Variants in RIMKLB observed in about 807,000 individuals in gnomAD.
RIMKLB encodes the protein beta-citrylglutamate synthase B.
Under a neutral mutation model 32.0 loss-of-function variants are expected in RIMKLB, and 7 were observed. That is an observed-to-expected ratio of 0.22 (90% CI 0.12 to 0.41). The LOEUF is 0.41. RIMKLB is among the 10% of genes least tolerant of loss of function. The pLI is 1.00. For synonymous variants in RIMKLB, 172 were observed against 185.1 expected, an observed-to-expected ratio of 0.93 and a Z score of 0.57; for missense variants, 289 against 498.7, an observed-to-expected ratio of 0.58 and a Z score of 4.00.
intron 5 of RIMKLB, among the ~76,000 whole-genome samples, chr12:8,767,213 CTT>C (rs1304862605): frequency 6.6e-6 from 1 of 152,244 alleles, no homozygotes; most frequent in African/African-American, 2.4e-5. Flanking sequence ...CTACTTCTAT[CTT>C]TCTCTTTCTC....
rs1480330016 is a variant in RIMKLB, at chr12:8,776,398, ACAG to A, written c.*2621_*2623del. ...TTCTGGAAGTACCTTAAGGAAACAA[ACAG>A]CAGCAGATATTTAGGTTAAACTTAT... On this transcript the variant is annotated 3_prime_UTR_variant, in exon 6 of 6. Transcript: ENST00000535829. 7.2e-6 allele frequency: 7 copies of A among 977,316 alleles called. No homozygotes were observed. The African/African-American group carries it at 8.8e-5, about 12-fold the overall frequency. 60.5% of individuals were successfully genotyped at this position (977,316 alleles called of 1,614,324 possible).
At chr12:8,747,855 A>C (rs1229787755) in intron 2 of RIMKLB, among the ~76,000 whole-genome samples, 1 of 151,804 alleles carries the variant, frequency 6.6e-6, no homozygotes, top group Admixed American at 6.6e-5. Context: ...TCCCGAGTTG[A>C]AGCGATTCTC....
At chr12:8,713,671 T>A in intron 1 of RIMKLB, 140 bp from the exon 2 acceptor site, 1 of 575,678 alleles carries the variant, frequency 1.7e-6, no homozygotes, top group Non-Finnish European at 3.0e-6. Context: ...TTAGTTTGAA[T>A]GAAAAGGAAA....
At chr12:8,732,408 C>G (rs1347926814) in intron 2 of RIMKLB, among the ~76,000 whole-genome samples, 1 of 152,144 alleles carries the variant, frequency 6.6e-6, no homozygotes, top group African/African-American at 2.4e-5. Context: ...ATTGAAGTCA[C>G]AGTCACGCTT....
chr12:8,699,149 CT>C (rs1943158903), intron 1 of RIMKLB, among the ~76,000 whole-genome samples: 1 of 152,162 alleles, frequency 6.6e-6, no homozygotes, highest in Admixed American at 6.5e-5. Context: ...TATGTAAATT[CT>C]TTCAGTATGC....
At chr12:8,727,692 A>G (rs1239394868) in intron 2 of RIMKLB, among the ~76,000 whole-genome samples, 3 of 152,142 alleles carry the variant, frequency 2.0e-5, no homozygotes, top group Non-Finnish European at 4.4e-5. Flanking sequence ...TGAGGTCAGG[A>G]GTTCAAGACC....
chr12:8,772,796 T>A (rs995441228), intron 5 of RIMKLB, among the ~76,000 whole-genome samples: 17 of 152,206 alleles, frequency 1.1e-4, no homozygotes, highest in African/African-American at 4.1e-4. Flanking sequence ...CTACTTCCTT[T>A]CTCTTCCTTC....
intron 1 of RIMKLB, among the ~76,000 whole-genome samples, chr12:8,703,308 A>G (rs1295543121): frequency 6.6e-6 from 1 of 152,076 alleles, no homozygotes; most frequent in African/African-American, 2.4e-5. Context: ...GAAAAGAAAA[A>G]GAGAAATGTT....
In RIMKLB at chr12:8,777,000, C is replaced by CT; in HGVS notation, c.*3223dup. 3 of 985,738 alleles carry CT rather than the reference C, an allele frequency of 3.0e-6. No homozygotes were observed. Among genetic ancestry groups the CT allele is most frequent in the Non-Finnish European group, 3.6e-6 (3 of 829,892 alleles). 61.1% of individuals were successfully genotyped at this position (985,738 alleles called of 1,614,324 possible). On this transcript the variant is annotated 3_prime_UTR_variant, in exon 6 of 6. Coordinates refer to ENST00000535829, the MANE Select transcript of RIMKLB (RefSeq NM_001297776.2). The stretch of plus-strand genomic sequence containing the variant: ...TGTGTTATACTTTTCTCCTGGCTCA[C>CT]TTTTTTTGAGAAGGTTTATGGGCTA...
intron 5 of RIMKLB, among the ~76,000 whole-genome samples, chr12:8,758,312 A>G (rs1174509644): frequency 6.6e-6 from 1 of 150,854 alleles, no homozygotes; most frequent in Non-Finnish European, 1.5e-5. Context: ...ATCGAGGTGA[A>G]GTCTTGCTAT....
intron 1 of RIMKLB, among the ~76,000 whole-genome samples, chr12:8,682,462 G>C (rs1261188674): frequency 6.6e-6 from 1 of 152,108 alleles, no homozygotes; most frequent in Non-Finnish European, 1.5e-5. Context: ...TGATGAGTCA[G>C]TCAAGGAGTC....
intron 5 of RIMKLB, among the ~76,000 whole-genome samples, chr12:8,769,329 A>G (rs1326928335): frequency 1.3e-5 from 2 of 151,536 alleles, no homozygotes; most frequent in East Asian, 1.9e-4. Flanking sequence ...ATTGTTTTTT[A>G]TATTTAACAA....
In RIMKLB at chr12:8,774,383, A is replaced by G. The variant is rs1193296138; in HGVS notation, c.*599A>G. ...GGGAGGTCAAATTGAATATAACCCA[A>G]TAAAGGCTTCTTAATGACAAAATTG... is the stretch of plus-strand genomic sequence containing the variant. On this transcript the variant is annotated 3_prime_UTR_variant, in exon 6 of 6. Transcript: ENST00000535829. 8.1e-6 allele frequency: 8 copies of G among 985,854 alleles called. No homozygotes were observed. Among genetic ancestry groups the G allele is most frequent in the Non-Finnish European group, 9.6e-6 (8 of 829,938 alleles). 61.1% of individuals were successfully genotyped at this position (985,854 alleles called of 1,614,324 possible).
chr12:8,765,968 C>A (rs1451650665), intron 5 of RIMKLB, among the ~76,000 whole-genome samples: 2 of 152,050 alleles, frequency 1.3e-5, no homozygotes, highest in African/African-American at 4.8e-5. Context: ...CCAGGTTTCT[C>A]CCCCTTGATG....
chr12:8,712,263 C>T (rs1944438156), intron 1 of RIMKLB, among the ~76,000 whole-genome samples: 2 of 152,024 alleles, frequency 1.3e-5, no homozygotes, highest in Non-Finnish European at 2.9e-5. Flanking sequence ...ACCTTTCCGC[C>T]TTCTGGAAGA....
intron 5 of RIMKLB, among the ~76,000 whole-genome samples, chr12:8,756,864 G>A (rs1949081542): frequency 6.6e-6 from 1 of 151,620 alleles, no homozygotes; most frequent in Non-Finnish European, 1.5e-5. Flanking sequence ...GCTAATTTTT[G>A]TATTTTTAGT....
chr12:8,754,232 C>A, intron 5 of RIMKLB, 139 bp downstream of exon 5: 2 of 633,950 alleles, frequency 3.2e-6, no homozygotes, highest in South Asian at 3.9e-5. Context: ...ATGATTTTTA[C>A]ACATGCCATC....
intron 1 of RIMKLB, among the ~76,000 whole-genome samples, chr12:8,687,822 A>AG (rs1555143439): frequency 1.4e-5 from 2 of 140,144 alleles, no homozygotes; most frequent in Admixed American, 1.4e-4. Context: ...GTCAGGAAGA[A>AG]AAAAAAAAAA....
intron 1 of RIMKLB, among the ~76,000 whole-genome samples, chr12:8,707,008 A>C (rs911660025): frequency 5.3e-5 from 8 of 152,178 alleles, no homozygotes; most frequent in African/African-American, 1.9e-4. Context: ...GTCACAGAAA[A>C]AGAGGCTTGA....
Sources: allele counts gnomAD v4.1 joint callset (sites outside exome capture counted in the v4.1 genomes callset), GRCh38; gene constraint gnomAD v4.1.1; transcripts MANE v1.5; gene names NCBI Gene and HGNC (gene_info 2026-07-23, HGNC 2026-07-21).